The following NPAS3 variants were observed in gnomAD, a reference collection of about 807,000 sequenced individuals.
NPAS3 encodes the protein neuronal PAS domain protein 3, also known as neuronal PAS domain-containing protein 3.
Under a neutral mutation model 73.1 loss-of-function variants are expected in NPAS3, and 14 were observed. The observed-to-expected ratio is 0.19, with a 90% CI of 0.13 to 0.30. NPAS3 has a LOEUF of 0.30. Among genes scored for constraint, NPAS3 ranks in the 10% least tolerant of loss-of-function variants. NPAS3 has a pLI of 1.00. For missense variants in NPAS3, 1,096 were observed against 1,250.0 expected (o/e 0.88, Z 1.86); for synonymous variants, 620 against 541.5 (o/e 1.14, Z -2.01).
chr14:33,644,267 C>T (rs1478815572), intron 5 of NPAS3, among the ~76,000 whole-genome samples: 1 of 152,184 alleles, frequency 6.6e-6, no homozygotes, highest in African/African-American at 2.4e-5. Context: ...GGCAAACGAG[C>T]CATGAAACAT....
intron 2 of NPAS3, among the ~76,000 whole-genome samples, chr14:33,106,052 T>G (rs2042714638): frequency 6.6e-6 from 1 of 152,192 alleles, no homozygotes; most frequent in Non-Finnish European, 1.5e-5. Context: ...GTGCAGTGCT[T>G]CTTAGAAATA....
At chr14:33,299,345 ATTGG>A (rs375690691) in intron 3 of NPAS3, among the ~76,000 whole-genome samples, 21 of 152,220 alleles carry the variant, frequency 1.4e-4, no homozygotes, top group African/African-American at 5.1e-4. Context: ...TGCCATCATG[ATTGG>A]TTTAGCAATG....
chr14:33,544,779 G>GGCA lies in NPAS3; in HGVS notation c.469-15342_469-15341insGCA, dbSNP rs1555409851. ...ACAACATATGCATGTATGTGTTTAT[G>GGCA]TGTGTGTATTATATATATATATATA... On this transcript the variant is annotated intron_variant, in intron 4 of 11. Transcript: ENST00000356141. 2.5e-3 allele frequency among the ~76,000 whole-genome samples: 236 copies of GGCA among 94,132 alleles called. 11 individuals are homozygous for GGCA. Among genetic ancestry groups the GGCA allele is most frequent in the African/African-American group, 8.1e-3 (130 of 15,970 alleles). The allele number at this position is 94,132 out of a possible 152,430, so 61.8% of individuals were successfully genotyped here.
chr14:33,085,709 T>A (rs1320170055), intron 2 of NPAS3, among the ~76,000 whole-genome samples: 2 of 152,182 alleles, frequency 1.3e-5, no homozygotes, highest in Non-Finnish European at 2.9e-5. Context: ...ACATTTTATG[T>A]TGATATTGTT....
intron 1 of NPAS3, among the ~76,000 whole-genome samples, chr14:33,024,412 C>T (rs558076314): frequency 1.2e-4 from 18 of 152,096 alleles, no homozygotes; most frequent in East Asian, 5.8e-4. Context: ...CCTCATGATC[C>T]GCCTGCCTCG....
chr14:33,231,748 T>C (rs1370659238), intron 3 of NPAS3, among the ~76,000 whole-genome samples: 6 of 152,204 alleles, frequency 3.9e-5, no homozygotes, highest in Non-Finnish European at 7.3e-5. Flanking sequence ...TCCTGTTCTT[T>C]ATGTGCAAAA....
chr14:33,355,282 C>G (rs2140364219), intron 3 of NPAS3, among the ~76,000 whole-genome samples: 1 of 152,296 alleles, frequency 6.6e-6, no homozygotes, highest in South Asian at 2.1e-4. Context: ...TGCTCCTTTT[C>G]CTGCAGTCCT....
At chr14:33,483,195 G>A (rs762530215) in intron 4 of NPAS3, among the ~76,000 whole-genome samples, 10 of 152,124 alleles carry the variant, frequency 6.6e-5, no homozygotes, top group Admixed American at 2.0e-4. Context: ...AAACTTCAGC[G>A]TAACTTAGAA....
At chr14:33,415,906 A>C (rs913817286) in intron 4 of NPAS3, among the ~76,000 whole-genome samples, 25 of 152,112 alleles carry the variant, frequency 1.6e-4, no homozygotes, top group African/African-American at 5.3e-4. Context: ...TTCCTTCACC[A>C]CTTGTTGTTA....
chr14:33,416,076 T>C (rs2048132274), intron 4 of NPAS3, among the ~76,000 whole-genome samples: 1 of 152,088 alleles, frequency 6.6e-6, no homozygotes, highest in Non-Finnish European at 1.5e-5. Flanking sequence ...CCTCCTCTTA[T>C]TTTTGTATTT....
intron 1 of NPAS3, among the ~76,000 whole-genome samples, chr14:33,043,136 T>C (rs1208950658): frequency 6.6e-6 from 1 of 152,158 alleles, no homozygotes; most frequent in Non-Finnish European, 1.5e-5. Flanking sequence ...ATACTGAAGC[T>C]CTCCTATTTG....
In NPAS3 at chr14:33,477,261, C is replaced by T. The variant is rs143257246; in HGVS notation, c.469-82860C>T. 2.8e-3 allele frequency among the ~76,000 whole-genome samples: 419 copies of T among 152,190 alleles called. 3 individuals carry two copies. Among genetic ancestry groups the T allele is most frequent in the African/African-American group, 9.5e-3 (396 of 41,516 alleles). ...TTTCTCAGAACCCTTTTAGTTTCTT[C>T]TTTCCAAACTGTGGACACATTAGAT... On this transcript the variant is annotated intron_variant, in intron 4 of 11. Transcript: ENST00000356141.
Position 33,635,687 on chromosome 14 carries a change from T to C in NPAS3, c.559-40524T>C, listed in dbSNP as rs149605730. On this transcript the variant is annotated intron_variant, in intron 5 of 11. Transcript: ENST00000356141. The stretch of plus-strand genomic sequence containing the variant: ...GACATAGTCCAGATGTAATGTTCTG[T>C]ATGAGCAATCTAACTACTGATGTAC... Among the ~76,000 whole-genome samples, 1,180 of 152,314 alleles carry C rather than the reference T, an allele frequency of 7.7e-3. 9 individuals carry two copies. The highest frequency in any genetic ancestry group is 0.014 in the Non-Finnish European group (919 of 68,030).
At chr14:33,338,898 C>T (rs2044348641) in intron 3 of NPAS3, among the ~76,000 whole-genome samples, 2 of 152,118 alleles carry the variant, frequency 1.3e-5, no homozygotes, top group Non-Finnish European at 2.9e-5. Flanking sequence ...ATTAGGCTTT[C>T]TGAAAAATCA....
At chr14:32,937,081 C>T (rs1007110100), upstream of NPAS3, among the ~76,000 whole-genome samples, 3 of 151,838 alleles carry the variant, frequency 2.0e-5, no homozygotes, top group Admixed American at 2.0e-4. Flanking sequence ...ATGATGACAC[C>T]TGTTACTGTC....
intron 2 of NPAS3, among the ~76,000 whole-genome samples, chr14:33,161,757 T>G (rs73270569): frequency 0.094 from 14,281 of 152,246 alleles, 743 homozygotes; most frequent in African/African-American, 0.14. Flanking sequence ...CTGGAGGAGA[T>G]AGTCAATGAG....
intron 2 of NPAS3, among the ~76,000 whole-genome samples, chr14:33,191,819 G>C (rs976660949): frequency 6.6e-6 from 1 of 152,148 alleles, no homozygotes; most frequent in African/African-American, 2.4e-5. Context: ...AAGCAACCAT[G>C]TTATTTTATT....
chr14:33,418,162 A>C (rs1236586599), intron 4 of NPAS3, among the ~76,000 whole-genome samples: 1 of 151,880 alleles, frequency 6.6e-6, no homozygotes, highest in African/African-American at 2.4e-5. Context: ...GCATGCCCCT[A>C]CCTAACTTTG....
intron 3 of NPAS3, among the ~76,000 whole-genome samples, chr14:33,307,409 C>T (rs1004126886): frequency 2.6e-5 from 4 of 152,030 alleles, no homozygotes; most frequent in African/African-American, 4.8e-5. Context: ...TAAAATGATA[C>T]TGTTAGCATT....
Sources: allele counts gnomAD v4.1 joint callset (sites outside exome capture counted in the v4.1 genomes callset), GRCh38; gene constraint gnomAD v4.1.1; transcripts MANE v1.5; gene names NCBI Gene and HGNC (gene_info 2026-07-23, HGNC 2026-07-21).